The following NAALADL2 variants were observed in gnomAD, a reference collection of about 807,000 sequenced individuals.
The protein encoded by NAALADL2 is N-acetylated alpha-linked acidic dipeptidase like 2, also known as inactive N-acetylated-alpha-linked acidic dipeptidase-like protein 2.
NAALADL2 carries 76 observed loss-of-function variants against 87.2 expected under a neutral mutation model. The observed-to-expected ratio is 0.87, with a 90% CI of 0.72 to 1.05. NAALADL2 has a LOEUF of 1.05. Among genes scored for constraint, NAALADL2 ranks in the 50% least tolerant of loss-of-function variants. The pLI, the probability that NAALADL2 is intolerant of heterozygous loss-of-function variation, is 0.00. For missense variants in NAALADL2, 1,089 were observed against 945.8 expected (o/e 1.15, Z -1.99); for synonymous variants, 354 against 331.0 (o/e 1.07, Z -0.75).
intron 1 of NAALADL2, among the ~76,000 whole-genome samples, chr3:174,498,753 C>A (rs1718707635): frequency 6.6e-6 from 1 of 151,874 alleles, no homozygotes; most frequent in Non-Finnish European, 1.5e-5. Flanking sequence ...GCTAACACTT[C>A]CTATGGTGTG....
At chr3:175,309,708 TATC>T (rs1758132655) in intron 4 of NAALADL2, among the ~76,000 whole-genome samples, 1 of 152,242 alleles carries the variant, frequency 6.6e-6, no homozygotes, top group Admixed American at 6.5e-5. Flanking sequence ...TTCTCTTCTT[TATC>T]ATAACCACCA....
chr3:175,105,365 T>G (rs1722916354), intron 2 of NAALADL2, among the ~76,000 whole-genome samples: 4 of 152,056 alleles, frequency 2.6e-5, no homozygotes. Flanking sequence ...TAAGGCTTCA[T>G]GTCCATGAGG....
chr3:174,711,055 G>A (rs150825353), intron 2 of NAALADL2, among the ~76,000 whole-genome samples: 121 of 152,184 alleles, frequency 8.0e-4, no homozygotes, highest in African/African-American at 2.8e-3. Flanking sequence ...TAAGAGTTCT[G>A]GCTCCTTTCC....
chr3:175,343,751 C>G (rs779156694), intron 5 of NAALADL2, among the ~76,000 whole-genome samples: 3 of 146,264 alleles, frequency 2.1e-5, no homozygotes, highest in African/African-American at 7.6e-5. Context: ...TGAAAATATG[C>G]CATGTATGCA....
chr3:175,025,743 A>C (rs115954960), intron 1 of NAALADL2, among the ~76,000 whole-genome samples: 3,835 of 152,196 alleles, frequency 0.025, 174 homozygotes, highest in African/African-American at 0.088. Flanking sequence ...AAAAATACAA[A>C]TATGTATTCA....
chr3:174,879,624 G>T (rs944252824), intron 1 of NAALADL2, among the ~76,000 whole-genome samples: 6 of 151,978 alleles, frequency 3.9e-5, no homozygotes, highest in Admixed American at 2.0e-4. Flanking sequence ...TGCTTCAAAA[G>T]AATTAAAAAT....
chr3:174,852,294 G>C (rs1250896986), intron 3 of NAALADL2, among the ~76,000 whole-genome samples: 1 of 152,060 alleles, frequency 6.6e-6, no homozygotes, highest in South Asian at 2.1e-4. Flanking sequence ...CCTTGCAGAT[G>C]TTATAGCCTT....
chr3:175,716,248 TATA>T (rs939873123), intron 11 of NAALADL2, among the ~76,000 whole-genome samples: 2 of 144,452 alleles, frequency 1.4e-5, no homozygotes, highest in Non-Finnish European at 3.0e-5. Flanking sequence ...GGAATACATA[TATA>T]ATATATGTAT....
At chr3:174,826,056 A>G (rs868117011) in intron 3 of NAALADL2, among the ~76,000 whole-genome samples, 53 of 133,772 alleles carry the variant, frequency 4.0e-4, no homozygotes, top group East Asian at 1.8e-3. Context: ...CAACAACGAC[A>G]ACAACAACAA....
At chr3:175,228,718 G>C (rs1361236565) in intron 2 of NAALADL2, among the ~76,000 whole-genome samples, 1 of 151,860 alleles carries the variant, frequency 6.6e-6, no homozygotes, top group Non-Finnish European at 1.5e-5. Flanking sequence ...TATAAGAAAA[G>C]TTTGTCTTTT....
intron 1 of NAALADL2, among the ~76,000 whole-genome samples, chr3:174,881,791 C>T (rs1170673398): frequency 6.6e-6 from 1 of 152,044 alleles, no homozygotes; most frequent in East Asian, 1.9e-4. Context: ...GGAACATTCT[C>T]TAGAAATCTG....
At chr3:175,427,084 G>A (rs1716924049) in intron 5 of NAALADL2, among the ~76,000 whole-genome samples, 1 of 152,138 alleles carries the variant, frequency 6.6e-6, no homozygotes, top group East Asian at 1.9e-4. Context: ...GGTAGCCTAA[G>A]GCTTATGACT....
chr3:174,768,838 T>A (rs1187101852), intron 3 of NAALADL2, among the ~76,000 whole-genome samples: 1 of 152,094 alleles, frequency 6.6e-6, no homozygotes, highest in Non-Finnish European at 1.5e-5. Context: ...TAGAAGTGCT[T>A]GCTTGTATCT....
intron 1 of NAALADL2, among the ~76,000 whole-genome samples, chr3:174,947,920 T>C (rs1460736083): frequency 1.3e-5 from 2 of 152,096 alleles, no homozygotes; most frequent in Non-Finnish European, 2.9e-5. Context: ...TTTTAGTAAC[T>C]AATATTTAAT....
At chr3:175,323,740 G>A (rs1020343549) in intron 4 of NAALADL2, among the ~76,000 whole-genome samples, 3 of 151,744 alleles carry the variant, frequency 2.0e-5, no homozygotes, top group African/African-American at 2.4e-5. Flanking sequence ...AGAAAAGGCC[G>A]GGTGCAGTGG....
rs1020369060 is a variant in NAALADL2 at position 174,853,129 on chromosome 3, G to T, written c.-9+115383G>T. Reference sequence around the variant, plus strand: ...GCCTGTAATCCCAGCACTGTGGGAGGCCAAAGTGGGCAGATCACGAGGTCA... The same window carrying T: ...GCCTGTAATCCCAGCACTGTGGGAGTCCAAAGTGGGCAGATCACGAGGTCA... On this transcript the variant is annotated intron_variant, in intron 3 of 3. Coordinates refer to the NAALADL2 transcript ENST00000434257. Among the ~76,000 whole-genome samples, 21 of 144,638 alleles carry T rather than the reference G, an allele frequency of 1.5e-4. No individual in the cohort carries two copies. In the Admixed American group the frequency reaches 1.5e-3, roughly 10 times the overall value. The allele number at this position is 144,638 out of a possible 152,430, so 94.9% of individuals were successfully genotyped here.
chr3:175,761,112 C>T lies in NAALADL2; in HGVS notation c.2189+5694C>T, dbSNP rs191200779. ...ATCAGGGTTTGCTCTTTAGGTTGTA[C>T]ATTCTATGGGCTTTGACAAATGTAT... On this transcript the variant is annotated intron_variant, in intron 13 of 13. Transcript: ENST00000454872. Among the ~76,000 whole-genome samples, 668 of 152,236 alleles carry T rather than the reference C, an allele frequency of 4.4e-3. 8 individuals carry two copies. Among genetic ancestry groups the T allele is most frequent in the African/African-American group, 0.015 (627 of 41,538 alleles).
intron 2 of NAALADL2, among the ~76,000 whole-genome samples, chr3:175,175,499 A>T (rs2108947166): frequency 6.6e-6 from 1 of 152,100 alleles, no homozygotes; most frequent in Non-Finnish European, 1.5e-5. Context: ...TTGTATTTTA[A>T]AATTTCCTGT....
At chr3:175,276,944 A>C (rs1271590677) in intron 4 of NAALADL2, among the ~76,000 whole-genome samples, 1 of 152,140 alleles carries the variant, frequency 6.6e-6, no homozygotes, top group Non-Finnish European at 1.5e-5. Context: ...AGCTGGACTT[A>C]ATTCTAGTCA....
Sources: gnomAD v4.1 joint callset for allele counts (sites outside exome capture counted in the v4.1 genomes callset) on GRCh38, gnomAD v4.1.1 for gene constraint, MANE v1.5 for transcripts, NCBI Gene and HGNC (gene_info 2026-07-23, HGNC 2026-07-21) for gene names.